Variants in NR2F1-AS1 observed in about 807,000 individuals in gnomAD.
NR2F1-AS1 encodes NR2F1 antisense RNA 1.
chr5:93,424,862 G>A (rs190989782), intron 4 of NR2F1-AS1, among the ~76,000 whole-genome samples: 48 of 152,290 alleles, frequency 3.2e-4, no homozygotes, highest in Middle Eastern at 6.8e-3. Flanking sequence ...TTCAGGTAGT[G>A]TGAGATGTTT....
chr5:93,576,601 C>CA (rs1752900900), intron 1 of NR2F1-AS1, among the ~76,000 whole-genome samples: 1 of 152,148 alleles, frequency 6.6e-6, no homozygotes, highest in Non-Finnish European at 1.5e-5. Context: ...GTAACACCAG[C>CA]AGACCTGCTG....
chr5:93,448,546 C>T (rs980844689), intron 4 of NR2F1-AS1, among the ~76,000 whole-genome samples: 1 of 152,196 alleles, frequency 6.6e-6, no homozygotes, highest in African/African-American at 2.4e-5. Context: ...AAATCCAACT[C>T]TCTATAACTA....
intron 4 of NR2F1-AS1, among the ~76,000 whole-genome samples, chr5:93,472,253 A>G (rs951521684): frequency 6.6e-6 from 1 of 151,922 alleles, no homozygotes; most frequent in African/African-American, 2.4e-5. Flanking sequence ...TCAACTGTAA[A>G]GCATTAAATA....
chr5:93,548,163 T>C (rs1414465027), intron 4 of NR2F1-AS1, among the ~76,000 whole-genome samples: 1 of 152,174 alleles, frequency 6.6e-6, no homozygotes, highest in African/African-American at 2.4e-5. Flanking sequence ...TCAATGACTG[T>C]CCTATTACTA....
chr5:93,527,485 G>T lies in NR2F1-AS1; in HGVS notation n.638+26276C>A, dbSNP rs561227883. On this transcript the variant is annotated intron_variant and non_coding_transcript_variant, in intron 4 of 5. Coordinates refer to ENST00000660523, the Ensembl canonical transcript of NR2F1-AS1. ...ACCATTGACTTTCCTCACAGAATCA[G>T]AAAAAAACTACTTTAAACTTCATAT... is the stretch of plus-strand genomic sequence containing the variant. 1.2e-4 allele frequency among the ~76,000 whole-genome samples: 19 copies of T among 152,118 alleles called. No individual in the cohort carries two copies. The South Asian group carries it at 3.7e-3, about 30-fold the overall frequency.
At chr5:93,433,991 A>AT (rs930391910) in intron 4 of NR2F1-AS1, among the ~76,000 whole-genome samples, 4 of 151,412 alleles carry the variant, frequency 2.6e-5, no homozygotes, top group South Asian at 2.1e-4. Flanking sequence ...ACTTTGCCTT[A>AT]TTTTTTTTCC....
intron 4 of NR2F1-AS1, among the ~76,000 whole-genome samples, chr5:93,427,591 A>G (rs767840986): frequency 2.0e-5 from 3 of 152,162 alleles, no homozygotes; most frequent in East Asian, 1.9e-4. Context: ...CCCTACTCTC[A>G]GCACCCAGAT....
chr5:93,433,009 T>C (rs1749357127), intron 4 of NR2F1-AS1, among the ~76,000 whole-genome samples: 1 of 152,224 alleles, frequency 6.6e-6, no homozygotes, highest in Admixed American at 6.5e-5. Flanking sequence ...GCTCTTCTTG[T>C]TCATTTTGAT....
intron 4 of NR2F1-AS1, among the ~76,000 whole-genome samples, chr5:93,426,590 A>G (rs568144846): frequency 1.2e-3 from 185 of 152,298 alleles, no homozygotes; most frequent in Non-Finnish European, 2.3e-3. Flanking sequence ...TTTTTCATCC[A>G]TACAATTATC....
chr5:93,440,933 C>T (rs1449757274), intron 4 of NR2F1-AS1, among the ~76,000 whole-genome samples: 1 of 152,188 alleles, frequency 6.6e-6, no homozygotes, highest in African/African-American at 2.4e-5. Flanking sequence ...TACTTTACTC[C>T]TTTACTCCAA....
chr5:93,574,130 T>C (rs772554415), intron 1 of NR2F1-AS1, among the ~76,000 whole-genome samples: 6 of 152,200 alleles, frequency 3.9e-5, no homozygotes, highest in Non-Finnish European at 8.8e-5. Context: ...ATGTTGTGTT[T>C]GCATGGACAA....
At chr5:93,576,910 G>A (rs896499773) in intron 1 of NR2F1-AS1, among the ~76,000 whole-genome samples, 3 of 152,182 alleles carry the variant, frequency 2.0e-5, no homozygotes, top group Admixed American at 6.5e-5. Flanking sequence ...ATAGCCATGC[G>A]GTTTTATTCT....
intron 4 of NR2F1-AS1, among the ~76,000 whole-genome samples, chr5:93,516,012 G>A (rs1272796390): frequency 1.3e-5 from 2 of 151,786 alleles, no homozygotes; most frequent in African/African-American, 4.8e-5. Flanking sequence ...TAGTTAATAT[G>A]GTCAAATATT....
intron 4 of NR2F1-AS1, among the ~76,000 whole-genome samples, chr5:93,536,909 G>C (rs1751851659): frequency 6.6e-6 from 1 of 152,044 alleles, no homozygotes; most frequent in African/African-American, 2.4e-5. Context: ...ATAGTGAGTG[G>C]GTCTCATGAG....
At chr5:93,452,725 T>C (rs1471487283) in intron 4 of NR2F1-AS1, among the ~76,000 whole-genome samples, 2 of 152,170 alleles carry the variant, frequency 1.3e-5, no homozygotes, top group Non-Finnish European at 2.9e-5. Flanking sequence ...GGCCATATAG[T>C]ACAGGAGGTA....
chr5:93,547,816 T>G (rs1019931564), intron 4 of NR2F1-AS1, among the ~76,000 whole-genome samples: 6 of 152,172 alleles, frequency 3.9e-5, no homozygotes, highest in African/African-American at 1.4e-4. Context: ...CATACAAAAC[T>G]AGAATAGGCA....
intron 4 of NR2F1-AS1, among the ~76,000 whole-genome samples, chr5:93,552,843 A>G (rs1057125839): frequency 6.6e-6 from 1 of 152,154 alleles, no homozygotes; most frequent in Non-Finnish European, 1.5e-5. Flanking sequence ...TATATACTTC[A>G]TGATTATATA....
chr5:93,437,068 A>G (rs537231402), intron 4 of NR2F1-AS1, among the ~76,000 whole-genome samples: 1 of 152,278 alleles, frequency 6.6e-6, no homozygotes, highest in East Asian at 1.9e-4. Flanking sequence ...TTGGTATTCA[A>G]TTGTTTAAGA....
chr5:93,461,501 G>T (rs1178166294), intron 4 of NR2F1-AS1, among the ~76,000 whole-genome samples: 1 of 151,618 alleles, frequency 6.6e-6, no homozygotes, highest in Non-Finnish European at 1.5e-5. Context: ...ATAAAAGTGG[G>T]AAATTAAAAA....
Sources: gnomAD v4.1 joint callset for allele counts (sites outside exome capture counted in the v4.1 genomes callset) on GRCh38, gnomAD v4.1.1 for gene constraint, MANE v1.5 for transcripts, NCBI Gene and HGNC (gene_info 2026-07-23, HGNC 2026-07-21) for gene names.